The following PRORP variants were observed in gnomAD, a reference collection of about 807,000 sequenced individuals.
PRORP encodes the protein mitochondrial ribonuclease P catalytic subunit.
Under a neutral mutation model 59.4 loss-of-function variants are expected in PRORP, and 51 were observed. That is an observed-to-expected ratio of 0.86 (90% CI 0.69 to 1.08). PRORP has a LOEUF of 1.08. Among genes scored for constraint, PRORP ranks in the 50% least tolerant of loss-of-function variants. PRORP has a pLI of 0.00. For synonymous variants in PRORP, 231 were observed against 245.6 expected (o/e 0.94, Z 0.55); for missense variants, 646 against 690.3 (o/e 0.94, Z 0.72).
At chr14:35,236,422 A>C (rs1005654153) in intron 5 of PRORP, among the ~76,000 whole-genome samples, 2 of 152,160 alleles carry the variant, frequency 1.3e-5, no homozygotes, top group African/African-American at 4.8e-5. Flanking sequence ...CTGGTATACA[A>C]TTCTTTTCTT....
chr14:35,175,700 C>T (rs970497297), intron 4 of PRORP, among the ~76,000 whole-genome samples: 4 of 151,830 alleles, frequency 2.6e-5, no homozygotes, highest in Non-Finnish European at 5.9e-5. Flanking sequence ...TGCCTGTTCA[C>T]TCTGATGGTA....
At chr14:35,220,089 G>T (rs1171409118) in intron 5 of PRORP, among the ~76,000 whole-genome samples, 1 of 152,126 alleles carries the variant, frequency 6.6e-6, no homozygotes, top group South Asian at 2.1e-4. Flanking sequence ...TATTTGAAAA[G>T]ATCCTTTTCC....
chr14:35,155,876 T>G (rs947780715), intron 4 of PRORP, among the ~76,000 whole-genome samples: 4 of 152,216 alleles, frequency 2.6e-5, no homozygotes, highest in African/African-American at 7.2e-5. Context: ...TCTTTTTCCA[T>G]TTTTGAAACG....
intron 4 of PRORP, among the ~76,000 whole-genome samples, chr14:35,131,996 C>T (rs1025349003): frequency 4.7e-4 from 72 of 151,726 alleles, no homozygotes; most frequent in Non-Finnish European, 7.4e-4. Flanking sequence ...CCTGCCACCA[C>T]GCCTGGCTAA....
intron 4 of PRORP, among the ~76,000 whole-genome samples, chr14:35,155,560 TAAAAAAA>T (rs33984722): frequency 5.5e-5 from 6 of 108,674 alleles, no homozygotes; most frequent in Non-Finnish European, 1.9e-5. Context: ...GGTGTCTATT[TAAAAAAA>T]AAAAAAAAAA....
intron 4 of PRORP, chr14:35,158,797 G>A (rs1401397359): frequency 2.8e-6 from 1 of 353,368 alleles, no homozygotes; most frequent in South Asian, 2.8e-5. Flanking sequence ...TAAAACTTTG[G>A]ATTGTTCCTC....
chr14:35,145,960 C>T (rs1263869773), intron 4 of PRORP, among the ~76,000 whole-genome samples: 1 of 151,722 alleles, frequency 6.6e-6, no homozygotes, highest in Admixed American at 6.6e-5. Context: ...TCCCAAGTAG[C>T]TGGGATTACA....
chr14:35,122,564 GT>G lies in PRORP; in HGVS notation c.-363del, dbSNP rs1474815248. 6.5e-6 allele frequency: 1 copy of G among 154,030 alleles called. No homozygotes were observed. Among genetic ancestry groups the G allele is most frequent in the African/African-American group, 2.4e-5 (1 of 41,604 alleles). The allele number at this position is 154,030 out of a possible 1,614,324, so 9.5% of individuals were successfully genotyped here. ...TCGTGGGCACTGTAGTTTCCGCCGC[GT>G]TTATGGCCGCGTTAAGTCTGAGTGC... On this transcript the variant is annotated 5_prime_UTR_variant, in exon 1 of 8. Coordinates refer to ENST00000534898, the MANE Select transcript of PRORP (RefSeq NM_014672.4).
intron 2 of PRORP, among the ~76,000 whole-genome samples, chr14:35,126,202 A>C (rs536861685): frequency 2.0e-5 from 3 of 152,224 alleles, no homozygotes; most frequent in Non-Finnish European, 2.9e-5. Flanking sequence ...AATCATAAGA[A>C]CTGATGGTAA....
intron 4 of PRORP, among the ~76,000 whole-genome samples, chr14:35,135,515 C>G (rs1052995184): frequency 1.3e-5 from 2 of 152,156 alleles, no homozygotes; most frequent in African/African-American, 4.8e-5. Flanking sequence ...CAATGAATAT[C>G]ATAAACCTCT....
intron 5 of PRORP, among the ~76,000 whole-genome samples, chr14:35,199,534 C>CT (rs373077124): frequency 6.6e-6 from 1 of 152,164 alleles, no homozygotes; most frequent in East Asian, 1.9e-4. Context: ...GAGTTCAGCT[C>CT]TTTTTGTCCT....
intron 5 of PRORP, among the ~76,000 whole-genome samples, chr14:35,215,781 TGGG>T (rs1008687028): frequency 6.6e-6 from 1 of 151,698 alleles, no homozygotes; most frequent in Non-Finnish European, 1.5e-5. Context: ...TTTTTTTTCT[TGGG>T]GGGACAGGGT....
At chr14:35,271,384 C>T (rs1161308822) in intron 7 of PRORP, among the ~76,000 whole-genome samples, 1 of 151,882 alleles carries the variant, frequency 6.6e-6, no homozygotes, top group Non-Finnish European at 1.5e-5. Flanking sequence ...GTCTTGAACT[C>T]CTGAGCTCAT....
intron 4 of PRORP, among the ~76,000 whole-genome samples, chr14:35,166,253 AT>A (rs2048181851): frequency 6.6e-6 from 1 of 152,106 alleles, no homozygotes; most frequent in Non-Finnish European, 1.5e-5. Context: ...CTTTCAAAGC[AT>A]ATTTAAATTC....
At chr14:35,126,828 A>C in intron 3 of PRORP, 46 bp downstream of exon 3, 1 of 1,435,958 alleles carries the variant, frequency 7.0e-7, no homozygotes, top group Non-Finnish European at 9.7e-7. Context: ...TTGGTTTAGT[A>C]GGTTTTGTTG....
intron 5 of PRORP, among the ~76,000 whole-genome samples, chr14:35,195,668 A>G (rs2048991076): frequency 6.6e-6 from 1 of 152,106 alleles, no homozygotes. Context: ...CAGAATATTA[A>G]TTTTCAAACT....
At chr14:35,247,956 G>C (rs2138574506) in intron 5 of PRORP, among the ~76,000 whole-genome samples, 1 of 152,206 alleles carries the variant, frequency 6.6e-6, no homozygotes, top group South Asian at 2.1e-4. Context: ...CGATTTAATA[G>C]TTTTCTAAAA....
upstream of PRORP, chr14:35,121,938 G>A: frequency 4.3e-6 from 7 of 1,614,132 alleles, no homozygotes; most frequent in Non-Finnish European, 5.1e-6. Context: ...AGGCGCCGAC[G>A]AAGAACTTCT....
chr14:35,148,063 T>C (rs2047653821), intron 4 of PRORP, among the ~76,000 whole-genome samples: 2 of 152,234 alleles, frequency 1.3e-5, no homozygotes. Flanking sequence ...CTCCGAGTCA[T>C]CCATGAGGGT....
Sources: allele counts gnomAD v4.1 joint callset (sites outside exome capture counted in the v4.1 genomes callset), GRCh38; gene constraint gnomAD v4.1.1; transcripts MANE v1.5; gene names NCBI Gene and HGNC (gene_info 2026-07-23, HGNC 2026-07-21).